The following TMCC1 variants were observed in gnomAD, a reference collection of about 807,000 sequenced individuals.
TMCC1 encodes transmembrane and coiled-coil domains protein 1.
TMCC1 carries 15 observed loss-of-function variants against 52.4 expected under a neutral mutation model. That is an observed-to-expected ratio of 0.29 (90% CI 0.19 to 0.44). The LOEUF (loss-of-function observed/expected upper bound fraction) is 0.44, where lower values mean the gene tolerates loss of function less well. Among genes scored for constraint, TMCC1 ranks in the 20% least tolerant of loss-of-function variants. The probability of loss-of-function intolerance (pLI) is 1.00; values close to 1 mark genes in which losing one functional copy is unlikely to be tolerated. For synonymous variants in TMCC1, 279 were observed against 301.9 expected, an observed-to-expected ratio of 0.92 and a Z score of 0.79; for missense variants, 503 against 806.0, an observed-to-expected ratio of 0.62 and a Z score of 4.55.
chr3:129,685,791 A>G lies in TMCC1; in HGVS notation c.577-14527T>C, dbSNP rs189451855. On this transcript the variant is annotated intron_variant, in intron 4 of 6. Transcript: ENST00000393238. ...TGACTATATCAAAATCTACATGTCC[A>G]AAACCAAACATCATAATCCTCTTCT... Among the ~76,000 whole-genome samples the G allele has an allele frequency of 7.7e-4, 118 of 152,350 alleles. 1 individual carries two copies. Among genetic ancestry groups the G allele is most frequent in the Middle Eastern group, 3.4e-3 (1 of 294 alleles).
intron 4 of TMCC1, among the ~76,000 whole-genome samples, chr3:129,749,990 A>G (rs1392524396): frequency 6.6e-6 from 1 of 152,206 alleles, no homozygotes; most frequent in Non-Finnish European, 1.5e-5. Context: ...AGCAGAACAC[A>G]TGTACTGCAT....
At chr3:129,851,399 T>C (rs780113014) in intron 2 of TMCC1, among the ~76,000 whole-genome samples, 1 of 152,086 alleles carries the variant, frequency 6.6e-6, no homozygotes, top group Non-Finnish European at 1.5e-5. Context: ...GACTATCACA[T>C]AAATCCCTTC....
At chr3:129,664,364 T>A (rs2087281698) in intron 5 of TMCC1, among the ~76,000 whole-genome samples, 2 of 152,220 alleles carry the variant, frequency 1.3e-5, no homozygotes, top group African/African-American at 4.8e-5. Context: ...AAATTATATT[T>A]AAACAACCAT....
chr3:129,790,949 A>T (rs1314680544), intron 4 of TMCC1, among the ~76,000 whole-genome samples: 1 of 152,150 alleles, frequency 6.6e-6, no homozygotes, highest in Non-Finnish European at 1.5e-5. Flanking sequence ...ACTCTATTGG[A>T]CACATACTTC....
intron 4 of TMCC1, among the ~76,000 whole-genome samples, chr3:129,759,421 C>A: frequency 6.6e-6 from 1 of 151,824 alleles, no homozygotes; most frequent in Admixed American, 6.6e-5. Flanking sequence ...GCATGTGTCA[C>A]AACGTCCAGC....
Position 129,838,476 on chromosome 3 carries a change from C to A in TMCC1, c.-183-5650G>T, listed in dbSNP as rs564917964. Among the ~76,000 whole-genome samples the A allele has an allele frequency of 4.6e-5, 7 of 151,954 alleles. No homozygotes were observed. In the South Asian group the frequency reaches 1.3e-3, roughly 27 times the overall value. ...TGCCAAACAATACCAAAAAAGGGGGCTGGGCACGGTGGCTCATGCCTGTAA... is the reference window on the plus strand; with the variant it reads ...TGCCAAACAATACCAAAAAAGGGGGATGGGCACGGTGGCTCATGCCTGTAA... On this transcript the variant is annotated intron_variant, in intron 2 of 6. Coordinates refer to ENST00000393238, the MANE Select transcript of TMCC1 (RefSeq NM_001017395.5).
intron 4 of TMCC1, among the ~76,000 whole-genome samples, chr3:129,700,600 C>T (rs112676695): frequency 5.8e-4 from 89 of 152,184 alleles, no homozygotes; most frequent in African/African-American, 1.1e-3. Flanking sequence ...CCTCATCCTC[C>T]GGAGTAGCTG....
At chr3:129,673,612 A>G (rs923578222) in intron 4 of TMCC1, among the ~76,000 whole-genome samples, 7 of 152,198 alleles carry the variant, frequency 4.6e-5, no homozygotes, top group African/African-American at 1.7e-4. Context: ...GCACTTTGGG[A>G]GGCCAAGGCG....
chr3:129,699,054 T>G (rs2047621237), intron 4 of TMCC1, among the ~76,000 whole-genome samples: 1 of 152,124 alleles, frequency 6.6e-6, no homozygotes, highest in African/African-American at 2.4e-5. Flanking sequence ...AGATTTCCTT[T>G]GAAAAAAAGG....
At chr3:129,788,928 C>G (rs2056249098) in intron 4 of TMCC1, among the ~76,000 whole-genome samples, 1 of 152,076 alleles carries the variant, frequency 6.6e-6, no homozygotes, top group African/African-American at 2.4e-5. Flanking sequence ...AGAATGTTAC[C>G]TGATTTAAGC....
intron 2 of TMCC1, among the ~76,000 whole-genome samples, chr3:129,841,050 CA>C (rs940741387): frequency 1.3e-5 from 2 of 152,214 alleles, no homozygotes; most frequent in Non-Finnish European, 2.9e-5. Flanking sequence ...AGATTTTTAC[CA>C]AAGTGCTGAT....
intron 5 of TMCC1, among the ~76,000 whole-genome samples, chr3:129,655,966 A>C (rs538033616): frequency 1.3e-5 from 2 of 152,228 alleles, no homozygotes; most frequent in Non-Finnish European, 2.9e-5. Context: ...TGGATGATAA[A>C]TGTACAGAAT....
chr3:129,717,169 T>A (rs188793547), intron 4 of TMCC1, among the ~76,000 whole-genome samples: 31 of 152,336 alleles, frequency 2.0e-4, no homozygotes, highest in Admixed American at 3.3e-4. Flanking sequence ...AATTATTTTC[T>A]TCCCATTCAC....
In TMCC1 at chr3:129,708,016, A is replaced by G. The variant is rs74281807; in HGVS notation, c.577-36752T>C. 8.3e-5 allele frequency among the ~76,000 whole-genome samples: 10 copies of G among 120,454 alleles called. No individual in the cohort carries two copies. The South Asian group carries it at 1.8e-3, about 21-fold the overall frequency. The allele number at this position is 120,454 out of a possible 152,430, so 79.0% of individuals were successfully genotyped here. On this transcript the variant is annotated intron_variant, in intron 4 of 6. Transcript: ENST00000393238. ...GTAAAGCACTAAGGTAGAGGATGAG[A>G]AAAAAAAAGTCCTAATTAAAATTAC...
chr3:129,862,897 A>G (rs1577129079), intron 2 of TMCC1, among the ~76,000 whole-genome samples: 2 of 152,220 alleles, frequency 1.3e-5, no homozygotes, highest in African/African-American at 2.4e-5. Context: ...TTAGGATTTT[A>G]TTAGGAAAGC....
intron 2 of TMCC1, among the ~76,000 whole-genome samples, chr3:129,845,434 T>C (rs2059618924): frequency 6.6e-6 from 1 of 152,178 alleles, no homozygotes; most frequent in African/African-American, 2.4e-5. Flanking sequence ...ATTACTTTTT[T>C]ACTCCCATGA....
chr3:129,714,046 C>T (rs543080991), intron 4 of TMCC1, among the ~76,000 whole-genome samples: 2 of 152,114 alleles, frequency 1.3e-5, no homozygotes, highest in African/African-American at 4.8e-5. Flanking sequence ...TACTGTAAAC[C>T]CAACTGATAA....
Position 129,795,128 on chromosome 3 carries a change from C to T in TMCC1, c.576+32675G>A, listed in dbSNP as rs2056737896. 3.3e-5 allele frequency among the ~76,000 whole-genome samples: 5 copies of T among 152,108 alleles called. No homozygotes were observed. In the South Asian group the frequency reaches 1.0e-3, roughly 32 times the overall value. ...ACTCCGACGGTGACTTCAACTTGTGCCAAAGTTAAACACATTAAAGTGGCC... is the reference window on the plus strand; with the variant it reads ...ACTCCGACGGTGACTTCAACTTGTGTCAAAGTTAAACACATTAAAGTGGCC... On this transcript the variant is annotated intron_variant, in intron 4 of 6. Transcript: ENST00000393238.
chr3:129,751,718 G>A (rs923554568), intron 4 of TMCC1, among the ~76,000 whole-genome samples: 6 of 151,904 alleles, frequency 3.9e-5, no homozygotes, highest in Non-Finnish European at 8.8e-5. Flanking sequence ...ATGCCACTAC[G>A]CCCAGCTAAT....
Sources: allele counts gnomAD v4.1 joint callset (sites outside exome capture counted in the v4.1 genomes callset), GRCh38; gene constraint gnomAD v4.1.1; transcripts MANE v1.5; gene names NCBI Gene and HGNC (gene_info 2026-07-23, HGNC 2026-07-21).